The following LDAF1 variants were observed in gnomAD, a reference collection of about 807,000 sequenced individuals.
LDAF1 encodes PROMETHIN.
In LDAF1, 7 loss-of-function variants were observed where a neutral mutation model predicts 13.5. The observed-to-expected ratio is 0.52, with a 90% CI of 0.29 to 0.97. The LOEUF (loss-of-function observed/expected upper bound fraction) is 0.97, where lower values mean the gene tolerates loss of function less well. Among genes scored for constraint, LDAF1 ranks in the 50% least tolerant of loss-of-function variants. The probability of loss-of-function intolerance (pLI) is 0.07; values close to 1 mark genes in which losing one functional copy is unlikely to be tolerated. For synonymous variants in LDAF1, 69 were observed against 77.1 expected, an observed-to-expected ratio of 0.89 and a Z score of 0.55; for missense variants, 148 against 193.2, an observed-to-expected ratio of 0.77 and a Z score of 1.39.
In LDAF1 at chr16:21,179,497, A is replaced by C; in HGVS notation, c.427A>C (p.Ser143Arg). ...CAGGCCACTGACACAGCAAAACACCAGTTGTGACTTTCTGCCAGCCATGAA... is the reference window on the plus strand; with the variant it reads ...CAGGCCACTGACACAGCAAAACACCCGTTGTGACTTTCTGCCAGCCATGAA... ...SPRPLTQQNT[S>R]CDFLPAMKSA... Residue 143 changes from serine (S) to arginine (R), a missense_variant, in exon 5 of 5, where the codon AGT becomes CGT. Coordinates refer to ENST00000233047, the MANE Select transcript of LDAF1 (RefSeq NM_001301771.2). 6.2e-7 allele frequency: 1 copy of C among 1,614,162 alleles called. No individual in the cohort carries two copies. Among genetic ancestry groups the C allele is most frequent in the Non-Finnish European group, 8.5e-7 (1 of 1,180,024 alleles).
chr16:21,168,375 AT>A (rs2152845222), intron 2 of LDAF1, among the ~76,000 whole-genome samples: 2 of 152,132 alleles, frequency 1.3e-5, no homozygotes, highest in African/African-American at 4.8e-5. Context: ...TAGACAAGTG[AT>A]TAGCTTTTAA....
chr16:21,171,371 AG>A (rs1203302877), intron 3 of LDAF1, among the ~76,000 whole-genome samples: 1 of 152,228 alleles, frequency 6.6e-6, no homozygotes, highest in Non-Finnish European at 1.5e-5. Flanking sequence ...CCCAGAGCTA[AG>A]AGCACCCAGG....
At chr16:21,171,423 A>G (rs2093087479) in intron 3 of LDAF1, among the ~76,000 whole-genome samples, 3 of 152,184 alleles carry the variant, frequency 2.0e-5, no homozygotes, top group African/African-American at 4.8e-5. Context: ...TTACACTTGA[A>G]GGAGAAAGTA....
intron 2 of LDAF1, chr16:21,165,629 A>C: frequency 1.0e-6 from 1 of 978,636 alleles, no homozygotes; most frequent in Non-Finnish European, 1.2e-6. Flanking sequence ...ATTTCCTGCA[A>C]ATCTTTCTAC....
intron 4 of LDAF1, chr16:21,178,969 C>G (rs1760260871): frequency 6.5e-6 from 1 of 154,732 alleles, no homozygotes; most frequent in African/African-American, 2.4e-5. Context: ...TATAAATTAC[C>G]CAGTCTCAGG....
intron 2 of LDAF1, among the ~76,000 whole-genome samples, chr16:21,168,576 A>G (rs1043647848): frequency 7.0e-6 from 1 of 143,218 alleles, no homozygotes; most frequent in Non-Finnish European, 1.5e-5. Context: ...ATATAAATAT[A>G]ATATATTTAT....
At chr16:21,161,668 C>CT (rs555295818) in intron 2 of LDAF1, among the ~76,000 whole-genome samples, 1 of 152,080 alleles carries the variant, frequency 6.6e-6, no homozygotes, top group Non-Finnish European at 1.5e-5. Flanking sequence ...AGATATCATC[C>CT]TTTTTTTGGT....
In LDAF1 at chr16:21,170,340, C is replaced by T. The variant is rs73535731; in HGVS notation, c.97-97C>T. The stretch of plus-strand genomic sequence containing the variant: ...TTAATGCATAAGCCTTCTGGCTTTA[C>T]GACTTCTGCCTTGTAATTCCCACAG... On this transcript the variant is annotated intron_variant, in intron 2 of 4. Transcript: ENST00000233047. 744 of 1,569,538 alleles carry T rather than the reference C, an allele frequency of 4.7e-4. 2 individuals carry two copies. In the African/African-American group the frequency reaches 6.8e-3, roughly 14 times the overall value.
chr16:21,159,920 C>G, intron 1 of LDAF1: 1 of 985,238 alleles, frequency 1.0e-6, no homozygotes, highest in Non-Finnish European at 1.2e-6. Flanking sequence ...AAGACCTACG[C>G]CAGAGGCAGC....
chr16:21,172,855 G>T (rs2093102723), intron 3 of LDAF1: 30 of 985,310 alleles, frequency 3.0e-5, no homozygotes, highest in Non-Finnish European at 3.4e-5. Flanking sequence ...CTTCCTTCCA[G>T]CCTTTTCAGG....
Position 21,179,609 on chromosome 16 carries a change from C to T in LDAF1, c.*53C>T. 2.0e-6 allele frequency: 3 copies of T among 1,517,226 alleles called. No individual in the cohort carries two copies. Among genetic ancestry groups the T allele is most frequent in the Non-Finnish European group, 2.7e-6 (3 of 1,101,590 alleles). 94.0% of individuals were successfully genotyped at this position (1,517,226 alleles called of 1,614,324 possible). A position where few individuals can be genotyped will look rare whatever the true frequency, so the allele number is the denominator to read the frequency against. Reference sequence around the variant, plus strand: ...TCAAGTACTGCTGGATCATACTCACCCCTTGGGATTATGGCTTAGAAGAAG... The same window carrying T: ...TCAAGTACTGCTGGATCATACTCACTCCTTGGGATTATGGCTTAGAAGAAG... On this transcript the variant is annotated 3_prime_UTR_variant, in exon 5 of 5. Transcript: ENST00000233047.
At chr16:21,179,146 GT>G (rs1369990956) in intron 4 of LDAF1, among the ~76,000 whole-genome samples, 8 of 152,082 alleles carry the variant, frequency 5.3e-5, no homozygotes, top group African/African-American at 1.9e-4. Flanking sequence ...TCTGATTTCA[GT>G]TTTTGTCCAT....
intron 2 of LDAF1, among the ~76,000 whole-genome samples, chr16:21,168,883 A>ATTATATATTTATAT (rs960357822): frequency 1.5e-5 from 2 of 134,640 alleles, no homozygotes; most frequent in Non-Finnish European, 3.1e-5. Flanking sequence ...TATAATTTAT[A>ATTATATATTTATAT]TTATATATTT....
chr16:21,176,900 GAA>G (rs767903367), intron 4 of LDAF1, among the ~76,000 whole-genome samples: 10 of 131,436 alleles, frequency 7.6e-5, no homozygotes, highest in East Asian at 2.1e-4. Flanking sequence ...ACTCTGTCTG[GAA>G]AAAAAAAAAA....
chr16:21,176,348 T>G (rs985397921), intron 4 of LDAF1, among the ~76,000 whole-genome samples: 1 of 152,166 alleles, frequency 6.6e-6, no homozygotes, highest in African/African-American at 2.4e-5. Context: ...TAAAAATTAT[T>G]GAGGCATCTG....
At chr16:21,159,454 G>A (rs1404723949) in intron 1 of LDAF1, 4 of 1,611,856 alleles carry the variant, frequency 2.5e-6, no homozygotes, top group South Asian at 1.1e-5. Flanking sequence ...CCCAACCAGA[G>A]ATGTGACCCC....
intron 2 of LDAF1, among the ~76,000 whole-genome samples, chr16:21,162,744 G>A (rs930105592): frequency 5.3e-5 from 8 of 152,174 alleles, no homozygotes; most frequent in African/African-American, 1.7e-4. Flanking sequence ...CAGCTTTCTC[G>A]CCAGCTGGCG....
chr16:21,167,696 G>GTTTGTTTTTTTTTTT (rs1756053559), intron 2 of LDAF1, among the ~76,000 whole-genome samples: 1 of 89,092 alleles, frequency 1.1e-5, no homozygotes, highest in Non-Finnish European at 2.0e-5. Context: ...CCTTAGGTTT[G>GTTTGTTTTTTTTTTT]TTTTTTTTTT....
intron 3 of LDAF1, 44 bp from the exon 4 acceptor site, chr16:21,173,966 C>T (rs755486771): frequency 6.3e-7 from 1 of 1,581,490 alleles, no homozygotes; most frequent in Non-Finnish European, 8.6e-7. Flanking sequence ...CAGTTTTCAA[C>T]CTGTTTGAGA....
Sources: allele counts gnomAD v4.1 joint callset (sites outside exome capture counted in the v4.1 genomes callset), GRCh38; gene constraint gnomAD v4.1.1; transcripts MANE v1.5; gene names NCBI Gene and HGNC (gene_info 2026-07-23, HGNC 2026-07-21).